TNFSF4: variants seen among roughly 807,000 people sequenced by gnomAD.
TNFSF4 encodes the protein tumor necrosis factor ligand superfamily member 4.
TNFSF4 carries 4 observed loss-of-function variants against 7.3 expected under a neutral mutation model. The observed-to-expected ratio is 0.55, with a 90% CI of 0.27 to 1.25. The LOEUF is 1.25. TNFSF4 is among the 50% of genes most tolerant of loss of function. The pLI, the probability that TNFSF4 is intolerant of heterozygous loss-of-function variation, is 0.12. For missense variants in TNFSF4, 181 were observed against 208.8 expected, an observed-to-expected ratio of 0.87 and a Z score of 0.82; for synonymous variants, 76 against 83.7, an observed-to-expected ratio of 0.91 and a Z score of 0.50.
At chr1:173,376,038 G>A in the TNFSF4 span, among the ~76,000 whole-genome samples, 1 of 152,084 alleles carries the variant, frequency 6.6e-6, no homozygotes, top group South Asian at 2.1e-4. Context: ...TCTCCTACAT[G>A]TTACTCCTCC....
At chr1:173,393,271 T>C in the TNFSF4 span, among the ~76,000 whole-genome samples, 1 of 152,234 alleles carries the variant, frequency 6.6e-6, no homozygotes, top group Non-Finnish European at 1.5e-5. Context: ...CACATGTCCT[T>C]GCTTCCTAAC....
chr1:173,294,614 C>A, the TNFSF4 span, among the ~76,000 whole-genome samples: 1 of 151,732 alleles, frequency 6.6e-6, no homozygotes, highest in African/African-American at 2.4e-5. Flanking sequence ...AAAGTAAAAA[C>A]AAAACAAACC....
the TNFSF4 span, among the ~76,000 whole-genome samples, chr1:173,383,622 A>G: frequency 6.6e-6 from 1 of 152,238 alleles, no homozygotes; most frequent in African/African-American, 2.4e-5. Context: ...AGAATGGAAC[A>G]ATGCTCTGAA....
the TNFSF4 span, among the ~76,000 whole-genome samples, chr1:173,177,058 C>T: frequency 2.0e-5 from 3 of 152,036 alleles, no homozygotes; most frequent in Admixed American, 2.0e-4. Flanking sequence ...AACTTGTGCA[C>T]CAAACACCCA....
At chr1:173,363,003 C>A in the TNFSF4 span, 4 of 382,110 alleles carry the variant, frequency 1.0e-5, no homozygotes, top group South Asian at 2.5e-5. Flanking sequence ...TGGGAAAATG[C>A]GGACTTGCCT....
At chr1:173,192,751 A>G (rs1430629738) in intron 1 of TNFSF4, among the ~76,000 whole-genome samples, 1 of 152,278 alleles carries the variant, frequency 6.6e-6, no homozygotes, top group Middle Eastern at 3.4e-3. Flanking sequence ...TATCTCCTCT[A>G]CTCAAGACTA....
the TNFSF4 span, among the ~76,000 whole-genome samples, chr1:173,378,140 T>C: frequency 1.9e-4 from 29 of 152,312 alleles, no homozygotes; most frequent in Non-Finnish European, 2.6e-4. Flanking sequence ...CCTTGTGGTC[T>C]AGGAGGAAAA....
the TNFSF4 span, among the ~76,000 whole-genome samples, chr1:173,314,370 A>T: frequency 0.044 from 6,743 of 152,056 alleles, 459 homozygotes; most frequent in African/African-American, 0.15. Flanking sequence ...CTTAATTTTG[A>T]TTCATTTCTC....
At chr1:173,197,477 C>G (rs1007817584) in intron 1 of TNFSF4, among the ~76,000 whole-genome samples, 6 of 152,100 alleles carry the variant, frequency 3.9e-5, no homozygotes, top group African/African-American at 1.4e-4. Context: ...AAATGTGGTA[C>G]ATATACACCA....
the TNFSF4 span, among the ~76,000 whole-genome samples, chr1:173,328,219 CT>C: frequency 6.6e-6 from 1 of 151,648 alleles, no homozygotes; most frequent in Non-Finnish European, 1.5e-5. Flanking sequence ...ATGGGTGAAG[CT>C]GAAAACCATC....
chr1:173,324,127 T>G, the TNFSF4 span, among the ~76,000 whole-genome samples: 1 of 152,062 alleles, frequency 6.6e-6, no homozygotes. Context: ...GTCGGGTTAC[T>G]CACAAAGGGG....
At chr1:173,333,541 G>C in the TNFSF4 span, among the ~76,000 whole-genome samples, 1 of 152,062 alleles carries the variant, frequency 6.6e-6, no homozygotes, top group Admixed American at 6.6e-5. Context: ...CATGAGGATG[G>C]GGCCCCCGTG....
chr1:173,394,992 A>G, the TNFSF4 span, among the ~76,000 whole-genome samples: 1 of 63,688 alleles, frequency 1.6e-5, no homozygotes, highest in Non-Finnish European at 3.2e-5. Context: ...GGACACATAG[A>G]TAGATAGATA....
At chr1:173,324,120 G>A in the TNFSF4 span, among the ~76,000 whole-genome samples, 112 of 152,126 alleles carry the variant, frequency 7.4e-4, no homozygotes, top group Non-Finnish European at 1.3e-3. Flanking sequence ...CAGAAAGGTC[G>A]GGTTACTCAC....
the TNFSF4 span, among the ~76,000 whole-genome samples, chr1:173,392,396 A>T: frequency 2.6e-5 from 4 of 152,222 alleles, no homozygotes; most frequent in Admixed American, 6.6e-5. Flanking sequence ...ATGATTGTAG[A>T]GCCCTATCCC....
At chr1:173,412,841 T>A in the TNFSF4 span, among the ~76,000 whole-genome samples, 4 of 152,350 alleles carry the variant, frequency 2.6e-5, no homozygotes, top group South Asian at 6.2e-4. Context: ...ATTCCACAGA[T>A]GTATACAACG....
the TNFSF4 span, among the ~76,000 whole-genome samples, chr1:173,345,127 G>T: frequency 6.6e-6 from 1 of 152,190 alleles, no homozygotes; most frequent in Non-Finnish European, 1.5e-5. Flanking sequence ...TAATGCAGAG[G>T]CCCTTTGTAA....
the TNFSF4 span, among the ~76,000 whole-genome samples, chr1:173,249,068 T>C: frequency 6.6e-6 from 1 of 152,150 alleles, no homozygotes; most frequent in Non-Finnish European, 1.5e-5. Flanking sequence ...AAACAGTGGA[T>C]GATCTTTTAG....
chr1:173,298,082 T>C, the TNFSF4 span, among the ~76,000 whole-genome samples: 1 of 151,780 alleles, frequency 6.6e-6, no homozygotes, highest in East Asian at 1.9e-4. Context: ...GAGAGGACTG[T>C]CACGGGGAAA....
Sources: gnomAD v4.1 joint callset for allele counts (sites outside exome capture counted in the v4.1 genomes callset) on GRCh38, gnomAD v4.1.1 for gene constraint, MANE v1.5 for transcripts, NCBI Gene and HGNC (gene_info 2026-07-23, HGNC 2026-07-21) for gene names.